Variants in PPP2R5C observed in about 807,000 individuals in gnomAD.
PPP2R5C encodes the protein protein phosphatase 2 regulatory subunit B'gamma.
In PPP2R5C, 7 loss-of-function variants were observed where a neutral mutation model predicts 68.9. That is an observed-to-expected ratio of 0.10 (90% confidence interval 0.06 to 0.19). The LOEUF (loss-of-function observed/expected upper bound fraction) is 0.19, where lower values mean the gene tolerates loss of function less well. Among genes scored for constraint, PPP2R5C ranks in the 10% least tolerant of loss-of-function variants. The pLI, the probability that PPP2R5C is intolerant of heterozygous loss-of-function variation, is 1.00. For missense variants in PPP2R5C, 348 were observed against 641.3 expected, an observed-to-expected ratio of 0.54 and a Z score of 4.94; for synonymous variants, 210 against 222.2, an observed-to-expected ratio of 0.95 and a Z score of 0.49.
intron 2 of PPP2R5C, among the ~76,000 whole-genome samples, chr14:101,864,057 T>A (rs1334690352): frequency 6.6e-6 from 1 of 152,236 alleles, no homozygotes; most frequent in East Asian, 1.9e-4. Context: ...CATTGTCCCA[T>A]CTTTGGATCG....
intron 2 of PPP2R5C, among the ~76,000 whole-genome samples, chr14:101,858,582 T>C (rs898474416): frequency 6.6e-6 from 1 of 152,178 alleles, no homozygotes; most frequent in Non-Finnish European, 1.5e-5. Context: ...CTTCTAAAAT[T>C]ATTGAAAAAT....
In PPP2R5C at chr14:101,916,536, G is replaced by A. The variant is rs2046679773; in HGVS notation, c.1327-1295G>A. ...TTCAGGGCTGAATGATGGCGTCCATGGTCATCATTCCTCAGAGAGGCCCAG... is the reference window on the plus strand; with the variant it reads ...TTCAGGGCTGAATGATGGCGTCCATAGTCATCATTCCTCAGAGAGGCCCAG... On this transcript the variant is annotated intron_variant, in intron 12 of 13. Transcript: ENST00000334743. The surrounding 1 kb of genome is among the most constrained non-coding windows in gnomAD (Gnocchi z 5.5). Among the ~76,000 whole-genome samples, 1 of 152,172 alleles carries A rather than the reference G, an allele frequency of 6.6e-6. No individual in the cohort carries two copies. The highest frequency in any genetic ancestry group is 2.4e-5 in the African/African-American group (1 of 41,428).
chr14:101,842,474 G>A (rs935767027), intron 1 of PPP2R5C, among the ~76,000 whole-genome samples: 1 of 152,200 alleles, frequency 6.6e-6, no homozygotes, highest in Admixed American at 6.5e-5. Flanking sequence ...AGCAAGCTGG[G>A]GTTCGGCCCC....
chr14:101,787,766 C>CAAAAA (rs756927904), intron 3 of PPP2R5C, among the ~76,000 whole-genome samples: 1 of 69,286 alleles, frequency 1.4e-5, no homozygotes, highest in East Asian at 5.4e-4. Flanking sequence ...GACTCCATCT[C>CAAAAA]AAAAAAAAAA....
chr14:101,901,951 T>A (rs997065355), intron 9 of PPP2R5C, 62 bp downstream of exon 11: 2 of 1,553,108 alleles, frequency 1.3e-6, no homozygotes, highest in African/African-American at 2.8e-5. Context: ...AAGGAAAAGT[T>A]CCATGCGTAG....
chr14:101,909,500 T>A lies in PPP2R5C; in HGVS notation c.1152-89T>A. 3.7e-6 allele frequency: 3 copies of A among 801,642 alleles called. No individual in the cohort carries two copies. In the South Asian group the frequency reaches 4.8e-5, roughly 13 times the overall value. 49.7% of individuals were successfully genotyped at this position (801,642 alleles called of 1,614,324 possible). A position where few individuals can be genotyped will look rare whatever the true frequency, so the allele number is the denominator to read the frequency against. ...TTAGGGATCCTGTGCGATGTGGGAC[T>A]GTTGGAATATGGAGCAGCCTGAGAG... On this transcript the variant is annotated intron_variant, in intron 10 of 13. Coordinates refer to ENST00000334743, the Ensembl canonical transcript of PPP2R5C.
At chr14:101,921,195 G>A in intron 13 of PPP2R5C, 1 of 254,904 alleles carries the variant, frequency 3.9e-6, no homozygotes, top group South Asian at 3.2e-5. Flanking sequence ...AGCCTCCCAA[G>A]CAGCAGTGAC....
intron 1 of PPP2R5C, among the ~76,000 whole-genome samples, chr14:101,815,036 C>T (rs139898991): frequency 2.4e-4 from 37 of 152,292 alleles, no homozygotes; most frequent in African/African-American, 6.3e-4. Flanking sequence ...AAGCAGCATA[C>T]GTTGAGTGCC....
In PPP2R5C at chr14:101,836,383, G is replaced by A. The variant is rs753776970; in HGVS notation, c.95-20303G>A. On this transcript the variant is annotated intron_variant, in intron 1 of 13. Coordinates refer to ENST00000334743, the Ensembl canonical transcript of PPP2R5C. ...CCCCTGCCCTTCTGCCTCTACTCCC[G>A]ACCTGCCAACCTTAGCCTAAAATCA... 2.6e-5 allele frequency: 18 copies of A among 701,826 alleles called. 1 individual carries two copies. The highest frequency in any genetic ancestry group is 1.8e-4 in the South Asian group (12 of 67,564). The allele number at this position is 701,826 out of a possible 1,614,324, so 43.5% of individuals were successfully genotyped here.
At chr14:101,784,376 A>T (rs1459064601) in intron 2 of PPP2R5C, among the ~76,000 whole-genome samples, 1 of 152,144 alleles carries the variant, frequency 6.6e-6, no homozygotes, top group Non-Finnish European at 1.5e-5. Flanking sequence ...AGATTGGGTA[A>T]TTTATAAACA....
At chr14:101,924,443 A>ATTTTTT (rs2047175999) in intron 13 of PPP2R5C, among the ~76,000 whole-genome samples, 1 of 56,856 alleles carries the variant, frequency 1.8e-5, no homozygotes, top group East Asian at 3.8e-4. Flanking sequence ...AAATTTCTAC[A>ATTTTTT]TCTTTTTTTT....
exon 14 of PPP2R5C, chr14:101,927,616 G>A (rs1245149120): frequency 6.6e-6 from 1 of 152,522 alleles, no homozygotes; most frequent in African/African-American, 2.4e-5. Flanking sequence ...CTTTAGTATG[G>A]CTTCCTTTTA....
chr14:101,771,819 C>T (rs545350933), intron 2 of PPP2R5C, among the ~76,000 whole-genome samples: 19 of 152,098 alleles, frequency 1.2e-4, no homozygotes, highest in Admixed American at 3.9e-4. Context: ...TGGCATGGCC[C>T]GGTGGTAATA....
chr14:101,817,764 A>T (rs970182586), intron 1 of PPP2R5C, among the ~76,000 whole-genome samples: 2 of 131,370 alleles, frequency 1.5e-5, no homozygotes, highest in Non-Finnish European at 3.1e-5. Flanking sequence ...CTAGAAATGG[A>T]ACGTGAAATG....
chr14:101,796,864 T>C (rs2038636521), intron 3 of PPP2R5C: 1 of 269,494 alleles, frequency 3.7e-6, no homozygotes, highest in African/African-American at 2.2e-5. Context: ...TCCTCAAGTG[T>C]TTCCTGAACT....
At chr14:101,802,863 T>A (rs546179963) in intron 3 of PPP2R5C, among the ~76,000 whole-genome samples, 2 of 145,820 alleles carry the variant, frequency 1.4e-5, no homozygotes, top group African/African-American at 2.6e-5. Flanking sequence ...AATAAATGCA[T>A]GAAAAGATCC....
upstream of PPP2R5C, chr14:101,760,674 C>CA: frequency 6.0e-6 from 2 of 332,506 alleles, no homozygotes; most frequent in Non-Finnish European, 6.7e-6. Flanking sequence ...CAGGGAGGGG[C>CA]GGGCTGTCGG....
rs149936122 is a variant in PPP2R5C at position 101,854,240 on chromosome 14, G to A, written c.95-2446G>A. Among the ~76,000 whole-genome samples the A allele has an allele frequency of 1.8e-3, 279 of 152,268 alleles. 1 individual carries two copies. Among genetic ancestry groups the A allele is most frequent in the African/African-American group, 6.4e-3 (265 of 41,548 alleles). On this transcript the variant is annotated intron_variant, in intron 1 of 13. Coordinates refer to ENST00000334743, the Ensembl canonical transcript of PPP2R5C. ...ACACCCCACTCCCATGGCCTTGCGT[G>A]TGTGCTTCTGATCTCTGAATGCAGC...
chr14:101,836,287 C>G (rs896611493), intron 1 of PPP2R5C: 4 of 702,868 alleles, frequency 5.7e-6, no homozygotes, highest in African/African-American at 3.5e-5. Context: ...CCCGCGGCCC[C>G]CAAAGCATGG....
Sources: allele counts gnomAD v4.1 joint callset (sites outside exome capture counted in the v4.1 genomes callset), GRCh38; gene constraint gnomAD v4.1.1; non-coding constraint Gnocchi (gnomAD v3.1); transcripts MANE v1.5; gene names NCBI Gene and HGNC (gene_info 2026-07-23, HGNC 2026-07-21).